DCTN2: variants seen among roughly 807,000 people sequenced by gnomAD.
DCTN2 encodes dynactin subunit 2, also known as 50 kDa dynein-associated polypeptide.
In DCTN2, 18 loss-of-function variants were observed where a neutral mutation model predicts 55.4. That is an observed-to-expected ratio of 0.32 (90% confidence interval 0.22 to 0.48). DCTN2 has a LOEUF of 0.48. DCTN2 is among the 20% of genes least tolerant of loss of function. DCTN2 has a pLI of 0.99. For synonymous variants in DCTN2, 168 were observed against 185.2 expected (o/e 0.91, Z 0.76); for missense variants, 390 against 491.0 (o/e 0.79, Z 1.94).
intron 2 of DCTN2, chr12:57,544,053 A>G: frequency 2.3e-6 from 1 of 428,844 alleles, no homozygotes; most frequent in South Asian, 1.6e-5. Flanking sequence ...GATTACTGTG[A>G]AACTACCTGT....
intron 13 of DCTN2, 42 bp downstream of exon 13, chr12:57,531,973 C>T (rs1197105679): frequency 6.4e-7 from 1 of 1,552,374 alleles, no homozygotes; most frequent in South Asian, 1.2e-5. Context: ...CTAGTTTGCA[C>T]ATGCTGGAGA....
At chr12:57,531,386 G>A (rs986948356) in intron 13 of DCTN2, among the ~76,000 whole-genome samples, 22 of 152,134 alleles carry the variant, frequency 1.4e-4, no homozygotes, top group African/African-American at 5.1e-4. Context: ...GTGTGGTGGT[G>A]CGTGCCTGTA....
intron 2 of DCTN2, among the ~76,000 whole-genome samples, chr12:57,545,310 T>C (rs1029603806): frequency 2.0e-5 from 3 of 152,200 alleles, no homozygotes; most frequent in African/African-American, 7.2e-5. Flanking sequence ...TTTTTCCTTC[T>C]ATATGTTTCC....
intron 13 of DCTN2, 120 bp downstream of exon 13, chr12:57,531,895 G>C: frequency 6.9e-7 from 1 of 1,446,594 alleles, no homozygotes; most frequent in South Asian, 1.3e-5. Context: ...GGAGACTCCA[G>C]ACCAACCCCC....
intron 2 of DCTN2, chr12:57,539,951 G>A (rs1325668942): frequency 1.9e-5 from 5 of 266,902 alleles, no homozygotes; most frequent in South Asian, 1.4e-4. Context: ...ATTTGAACCC[G>A]GGAGGTGGAG....
Position 57,538,459 on chromosome 12 carries a change from A to G in DCTN2, c.106-2614T>C, listed in dbSNP as rs555763796. On this transcript the variant is annotated intron_variant, in intron 2 of 13. Transcript: ENST00000548249. ...ATTTAGTAGAGTCTAAAGGACAGAG[A>G]AACAACTGCTCATCATAGCACACCC... The G allele has an allele frequency of 4.0e-6, 3 of 750,816 alleles. No homozygotes were observed. The South Asian group carries it at 4.2e-5, about 11-fold the overall frequency. The allele number at this position is 750,816 out of a possible 1,614,324, so 46.5% of individuals were successfully genotyped here.
intron 2 of DCTN2, among the ~76,000 whole-genome samples, chr12:57,540,877 T>C (rs1044421833): frequency 6.6e-6 from 1 of 152,224 alleles, no homozygotes; most frequent in Non-Finnish European, 1.5e-5. Context: ...TCTAAAGACC[T>C]AGCATAGGGG....
Position 57,534,339 on chromosome 12 carries a change from T to A in DCTN2, c.477A>T (p.Gly159=). The part of the protein sequence containing the change: ...LVASHLEKLL[G]PDAAINLTDP... ...CGGTAAGGTTGATTGCAGCATCTGGTCCCAGCAGCTTCTCCAGGTGGGAAG... is the reference window on the plus strand; with the variant it reads ...CGGTAAGGTTGATTGCAGCATCTGGACCCAGCAGCTTCTCCAGGTGGGAAG... Residue 159 remains glycine, a synonymous_variant, in exon 6 of 14, where the codon GGA becomes GGT. Coordinates refer to ENST00000548249, the MANE Select transcript of DCTN2 (RefSeq NM_001261413.2). 1 of 1,612,066 alleles carries A rather than the reference T, an allele frequency of 6.2e-7. No individual in the cohort carries two copies. The highest frequency in any genetic ancestry group is 1.7e-5 in the Admixed American group (1 of 59,904).
chr12:57,531,889 A>T, intron 13 of DCTN2, 126 bp downstream of exon 13: 46 of 1,346,440 alleles, frequency 3.4e-5, no homozygotes, highest in Non-Finnish European at 4.3e-5. Context: ...CAGGATGGAG[A>T]CTCCAGACCA....
intron 2 of DCTN2, chr12:57,541,292 C>T (rs374346967): frequency 4.6e-5 from 72 of 1,563,810 alleles, no homozygotes; most frequent in African/African-American, 1.6e-4. Flanking sequence ...AACAATAGCA[C>T]AGTGGCAGAG....
At chr12:57,545,966 A>G (rs1455605949) in intron 2 of DCTN2, 62 bp downstream of exon 2, 2 of 1,530,074 alleles carry the variant, frequency 1.3e-6, no homozygotes, top group African/African-American at 1.4e-5. Flanking sequence ...GAGAAAGGGA[A>G]GGACCTGTCT....
intron 2 of DCTN2, chr12:57,543,026 A>G (rs1278825693): frequency 6.6e-6 from 3 of 455,474 alleles, no homozygotes; most frequent in Middle Eastern, 3.6e-4. Flanking sequence ...ACTGAAGATT[A>G]AGGCGGAGAA....
chr12:57,533,553 C>T (rs937639947), intron 7 of DCTN2, among the ~76,000 whole-genome samples: 24 of 152,058 alleles, frequency 1.6e-4, no homozygotes, highest in Admixed American at 2.6e-4. Flanking sequence ...GGGCGGATCA[C>T]GAGGTCAGGA....
intron 2 of DCTN2, among the ~76,000 whole-genome samples, chr12:57,545,248 C>T (rs1464068584): frequency 6.6e-6 from 1 of 152,206 alleles, no homozygotes; most frequent in Non-Finnish European, 1.5e-5. Flanking sequence ...AAACACACCT[C>T]TTGGCACTTA....
intron 7 of DCTN2, 147 bp from the exon 8 acceptor site, chr12:57,533,450 C>T: frequency 1.2e-6 from 1 of 809,148 alleles, no homozygotes; most frequent in East Asian, 2.5e-5. Flanking sequence ...TCTTAAAATC[C>T]TAACCAAAGG....
chr12:57,532,646 GA>G lies in DCTN2; in HGVS notation c.853-4del. 1 of 1,613,954 alleles carries G rather than the reference GA, an allele frequency of 6.2e-7. No homozygotes were observed. On this transcript the variant is annotated splice_region_variant and splice_polypyrimidine_tract_variant and intron_variant, in intron 10 of 13. Transcript: ENST00000548249. ...TCGTTCACCTTTCCCAGGACACTCT[GA>G]AAACACAGATTTTAAGGTTGATAGG...
At chr12:57,544,611 T>A (rs1007466380) in intron 2 of DCTN2, among the ~76,000 whole-genome samples, 1 of 152,128 alleles carries the variant, frequency 6.6e-6, no homozygotes, top group Non-Finnish European at 1.5e-5. Context: ...AGACGGGGTC[T>A]CAAACTCCTG....
chr12:57,535,440 G>T (rs1240286707), intron 4 of DCTN2, 44 bp downstream of exon 4: 1 of 1,606,452 alleles, frequency 6.2e-7, no homozygotes, highest in Non-Finnish European at 8.5e-7. Context: ...GCTAGATAGG[G>T]TCACTACACC....
chr12:57,533,325 G>C, intron 7 of DCTN2, 22 bp from the exon 8 acceptor site: 1 of 1,611,978 alleles, frequency 6.2e-7, no homozygotes, highest in Non-Finnish European at 8.5e-7. Flanking sequence ...AAGGAGGTGA[G>C]ATTTGCCATC....
Sources: gnomAD v4.1 joint callset for allele counts (sites outside exome capture counted in the v4.1 genomes callset) on GRCh38, gnomAD v4.1.1 for gene constraint, MANE v1.5 for transcripts, NCBI Gene and HGNC (gene_info 2026-07-23, HGNC 2026-07-21) for gene names.